Variants in CASK observed in about 807,000 individuals in gnomAD.
CASK encodes peripheral plasma membrane protein CASK.
A neutral mutation model predicts 82.9 loss-of-function variants in CASK; 4 were observed. That is an observed-to-expected ratio of 0.05 (90% CI 0.02 to 0.11). CASK has a LOEUF of 0.11. Among genes scored for constraint, CASK ranks in the 10% least tolerant of loss-of-function variants. The probability of loss-of-function intolerance (pLI) is 1.00; values close to 1 mark genes in which losing one functional copy is unlikely to be tolerated. For missense variants in CASK, 358 were observed against 720.9 expected, an observed-to-expected ratio of 0.50 and a Z score of 5.76; for synonymous variants, 259 against 253.5, an observed-to-expected ratio of 1.02 and a Z score of -0.20.
chrX:41,913,156 C>A (rs988650482), intron 1 of CASK, among the ~76,000 whole-genome samples: 1 of 111,232 alleles, frequency 9.0e-6, no homozygotes, highest in Non-Finnish European at 1.9e-5. Flanking sequence ...CCAAGTTACG[C>A]AGAGGATATG....
At chrX:41,610,190 GAC>G (rs748306828) in intron 11 of CASK, among the ~76,000 whole-genome samples, 165 bp from the exon 12 acceptor site, 1 of 112,426 alleles carries the variant, frequency 8.9e-6, no homozygotes, top group East Asian at 2.8e-4. Flanking sequence ...ATAATTTAAG[GAC>G]ACAGTATTTT....
intron 5 of CASK, chrX:41,729,687 T>G (rs1229188699): frequency 1.1e-5 from 1 of 87,871 alleles, no homozygotes; most frequent in Non-Finnish European, 2.1e-5. Context: ...GAGGCGGAGG[T>G]TGCAGTGAGC....
At chrX:41,572,369 C>T (rs2065425445) in intron 15 of CASK, among the ~76,000 whole-genome samples, 2 of 110,960 alleles carry the variant, frequency 1.8e-5, no homozygotes, top group Non-Finnish European at 3.8e-5. Flanking sequence ...TCTATTTGTT[C>T]CACCTGTTCT....
intron 2 of CASK, among the ~76,000 whole-genome samples, chrX:41,825,649 T>A (rs11796336): frequency 7.1e-5 from 8 of 112,133 alleles, no homozygotes; most frequent in Non-Finnish European, 1.5e-4. Flanking sequence ...TTATGATGTG[T>A]TTCAGGAGTC....
intron 25 of CASK, chrX:41,524,502 G>A (rs913009109): frequency 6.4e-6 from 1 of 155,774 alleles, no homozygotes; most frequent in African/African-American, 3.2e-5. Context: ...CACTGTAACT[G>A]TGTGTTGCTC....
intron 5 of CASK, chrX:41,729,517 G>A (rs1174566673): frequency 4.2e-5 from 5 of 119,504 alleles, no homozygotes; most frequent in African/African-American, 1.7e-4. Context: ...TCAGGAGTTC[G>A]AGACTAGCCT....
At chrX:41,682,096 C>T (rs952759878) in intron 5 of CASK, among the ~76,000 whole-genome samples, 5 of 104,112 alleles carry the variant, frequency 4.8e-5, no homozygotes, top group African/African-American at 1.4e-4. Context: ...ATTCATGAAG[C>T]TACTCCTGCA....
intron 2 of CASK, among the ~76,000 whole-genome samples, chrX:41,818,971 G>T (rs925831872): frequency 9.0e-6 from 1 of 110,940 alleles, no homozygotes; most frequent in Non-Finnish European, 1.9e-5. Flanking sequence ...TCCAACCTTG[G>T]ATTAGGCAAA....
chrX:41,815,770 T>C (rs2070399614), intron 2 of CASK, among the ~76,000 whole-genome samples: 1 of 111,644 alleles, frequency 9.0e-6, no homozygotes, highest in Non-Finnish European at 1.9e-5. Flanking sequence ...CCCATAGATA[T>C]AAGAAGCTCA....
chrX:41,722,748 C>T (rs1322146020), intron 5 of CASK, among the ~76,000 whole-genome samples: 1 of 112,198 alleles, frequency 8.9e-6, no homozygotes, highest in Non-Finnish European at 1.9e-5. Context: ...GTGATGGTAT[C>T]ATTTACTGAG....
chrX:41,636,705 A>G (rs2066560702), intron 8 of CASK, 44 bp from the exon 9 acceptor site: 1 of 815,061 alleles, frequency 1.2e-6, no homozygotes. Context: ...CCGTTTAAAA[A>G]AGTGCAGAAG....
chrX:41,596,194 CAAA>C (rs146680841), intron 12 of CASK, among the ~76,000 whole-genome samples: 3 of 61,578 alleles, frequency 4.9e-5, no homozygotes, highest in African/African-American at 6.9e-5. Context: ...GACTCTGTCT[CAAA>C]AAAAAAAAAA....
chrX:41,698,338 A>C (rs1358787573), intron 5 of CASK, among the ~76,000 whole-genome samples: 2 of 111,743 alleles, frequency 1.8e-5, no homozygotes, highest in Admixed American at 9.6e-5. Context: ...AATTAGAATT[A>C]AAAGGAGCAA....
At chrX:41,741,033 C>T (rs1395153054) in intron 4 of CASK, among the ~76,000 whole-genome samples, 2 of 111,223 alleles carry the variant, frequency 1.8e-5, no homozygotes, top group Non-Finnish European at 3.8e-5. Flanking sequence ...CAGATATGCG[C>T]CACCACGCCT....
chrX:41,791,727 T>TA (rs761672032), intron 2 of CASK, among the ~76,000 whole-genome samples: 84 of 96,092 alleles, frequency 8.7e-4, no homozygotes, highest in Middle Eastern at 5.2e-3. Context: ...CATCTCAGAT[T>TA]AAAAAAAAAA....
chrX:41,622,829 T>A (rs886570127), intron 10 of CASK, among the ~76,000 whole-genome samples, 195 bp from the exon 11 acceptor site: 3 of 111,172 alleles, frequency 2.7e-5, no homozygotes, highest in Non-Finnish European at 5.7e-5. Flanking sequence ...CGTTGGGTTC[T>A]GATTCTGAAT....
intron 5 of CASK, among the ~76,000 whole-genome samples, chrX:41,738,964 T>A (rs775462745): frequency 1.6e-4 from 18 of 112,296 alleles, no homozygotes; most frequent in Non-Finnish European, 3.4e-4. Flanking sequence ...TTAAAAACTA[T>A]CTGCAAAAAA....
chrX:41,902,121 T>G (rs1396985691), intron 1 of CASK, among the ~76,000 whole-genome samples: 1 of 111,624 alleles, frequency 9.0e-6, no homozygotes, highest in African/African-American at 3.3e-5. Flanking sequence ...CATGGAGCCA[T>G]GGAGACTAGT....
chrX:41,821,008 T>C (rs1255395856), intron 2 of CASK, among the ~76,000 whole-genome samples: 3 of 111,041 alleles, frequency 2.7e-5, no homozygotes, highest in Non-Finnish European at 5.7e-5. Context: ...AAGAAAATTT[T>C]CACAAATTTG....
Sources: allele counts gnomAD v4.1 joint callset (sites outside exome capture counted in the v4.1 genomes callset), GRCh38; gene constraint gnomAD v4.1.1; transcripts MANE v1.5; gene names NCBI Gene and HGNC (gene_info 2026-07-23, HGNC 2026-07-21).